The following MAST4 variants were observed in gnomAD, a reference collection of about 807,000 sequenced individuals.
MAST4 encodes microtubule associated serine/threonine kinase family member 4.
A neutral mutation model predicts 162.7 loss-of-function variants in MAST4; 89 were observed. The observed-to-expected ratio is 0.55, with a 90% CI of 0.46 to 0.65. MAST4 has a LOEUF of 0.65. MAST4 is among the 30% of genes least tolerant of loss of function. MAST4 has a pLI of 0.00. For synonymous variants in MAST4, 1,479 were observed against 1,361.1 expected, an observed-to-expected ratio of 1.09 and a Z score of -1.91; for missense variants, 3,153 against 3,374.0, an observed-to-expected ratio of 0.93 and a Z score of 1.62.
intron 4 of MAST4, among the ~76,000 whole-genome samples, chr5:67,037,554 C>G (rs997882906): frequency 1.3e-5 from 2 of 152,136 alleles, no homozygotes; most frequent in Non-Finnish European, 2.9e-5. Context: ...ATTCCTGGAT[C>G]TTATCAATTT....
rs1204572822 is a variant in MAST4, at chr5:67,090,448, TTCTCCCCCTCCCC to T, written c.833+218_833+230del. 8.6e-3 allele frequency among the ~76,000 whole-genome samples: 341 copies of T among 39,502 alleles called. 5 individuals carry two copies. In the African/African-American group the frequency reaches 0.096, roughly 11 times the overall value. The allele number at this position is 39,502 out of a possible 152,430, so 25.9% of individuals were successfully genotyped here. ...TCACTTCCCCCCTCCCCCTCCCCGC[TTCTCCCCCTCCCC>T]GCTTCTCCCCCTCCCCTGCTCCATG... On this transcript the variant is annotated intron_variant, in intron 6 of 28. Coordinates refer to ENST00000403625, the MANE Select transcript of MAST4 (RefSeq NM_001164664.2).
chr5:66,941,644 C>A (rs573772969), intron 4 of MAST4, among the ~76,000 whole-genome samples: 100 of 152,276 alleles, frequency 6.6e-4, no homozygotes, highest in Middle Eastern at 3.4e-3. Context: ...GTAGCACTTT[C>A]AATTTCCTTC....
At chr5:66,984,782 G>A (rs1022960889) in intron 4 of MAST4, among the ~76,000 whole-genome samples, 3 of 151,954 alleles carry the variant, frequency 2.0e-5, no homozygotes, top group Non-Finnish European at 2.9e-5. Context: ...GGGCATTGAG[G>A]GAAACAGCAA....
chr5:66,952,529 C>A (rs1425323282), intron 4 of MAST4, among the ~76,000 whole-genome samples: 3 of 152,098 alleles, frequency 2.0e-5, no homozygotes, highest in Non-Finnish European at 4.4e-5. Context: ...GATCCCCTCC[C>A]CCGCCATTAA....
intron 1 of MAST4, among the ~76,000 whole-genome samples, chr5:66,657,775 C>T (rs370638465): frequency 3.3e-5 from 5 of 152,206 alleles, no homozygotes; most frequent in East Asian, 3.9e-4. Context: ...GAGAATGTGC[C>T]GTGGTTACTG....
intron 4 of MAST4, among the ~76,000 whole-genome samples, chr5:66,951,632 G>GTATGTA (rs1409525063): frequency 1.2e-4 from 16 of 133,478 alleles, no homozygotes; most frequent in African/African-American, 4.2e-4. Flanking sequence ...GTGTGTGTGT[G>GTATGTA]TGTGTGTGTG....
intron 1 of MAST4, among the ~76,000 whole-genome samples, chr5:66,612,243 G>C (rs1054207671): frequency 6.6e-6 from 1 of 152,198 alleles, no homozygotes. Context: ...CTGTTCACTT[G>C]AACTTCTGAA....
At chr5:67,104,255 A>G (rs1356842382) in intron 9 of MAST4, 111 bp from the exon 10 acceptor site, 27 of 802,966 alleles carry the variant, frequency 3.4e-5, no homozygotes, top group Non-Finnish European at 5.5e-5. Flanking sequence ...CTAGAATCCC[A>G]TTTAACAACT....
chr5:66,760,142 C>T (rs967808945), intron 2 of MAST4, among the ~76,000 whole-genome samples: 33 of 149,684 alleles, frequency 2.2e-4, no homozygotes, highest in Admixed American at 1.7e-3. Context: ...GACAGAGTCT[C>T]GCTCCGTTGC....
chr5:67,125,776 G>T (rs918143547), intron 14 of MAST4, among the ~76,000 whole-genome samples: 30 of 152,148 alleles, frequency 2.0e-4, no homozygotes, highest in Non-Finnish European at 2.1e-4. Context: ...CCAGTAAGGG[G>T]ATTGCTGGGT....
In MAST4 at chr5:67,165,690, G is replaced by A. The variant is rs1401088895; in HGVS notation, c.6511G>A (p.Glu2171Lys). The change falls in exon 29 of 29, where the codon GAG becomes AAG. Residue 2171 changes from glutamate to lysine, a missense_variant. Glu to Lys is a moderately conservative substitution (Grantham distance 56). This residue lies in a region of MAST4 where 1,644 missense variants were observed against 1,495.0 expected (regional missense o/e 1.10). Transcript: ENST00000403625. The part of the protein sequence containing the change: ...REPGAKPSTA[E>K]PSSSPQDPPK... ...GCCGGGGGCCAAGCCCAGCACTGCA[G>A]AGCCCAGCTCGAGCCCCCAGGACCC... The A allele has an allele frequency of 1.9e-6, 3 of 1,585,212 alleles. No individual in the cohort carries two copies. The highest frequency in any genetic ancestry group is 2.6e-6 in the Non-Finnish European group (3 of 1,166,620).
intron 1 of MAST4, among the ~76,000 whole-genome samples, chr5:66,732,630 C>G (rs1373922342): frequency 6.6e-6 from 1 of 152,180 alleles, no homozygotes; most frequent in African/African-American, 2.4e-5. Flanking sequence ...GATATGTAGG[C>G]AATCAACATT....
chr5:66,623,278 C>T (rs73764399), intron 1 of MAST4: 16,335 of 152,248 alleles, frequency 0.11, 1,068 homozygotes, highest in Middle Eastern at 0.16. Flanking sequence ...GAAACATTCC[C>T]AGACTCATTT....
chr5:67,071,575 T>C (rs1251079056), intron 5 of MAST4, among the ~76,000 whole-genome samples: 1 of 151,950 alleles, frequency 6.6e-6, no homozygotes, highest in Non-Finnish European at 1.5e-5. Context: ...GACTGACCAA[T>C]ATGGCAAAAC....
intron 1 of MAST4, among the ~76,000 whole-genome samples, chr5:66,614,976 G>T (rs545245703): frequency 3.6e-4 from 55 of 152,296 alleles, no homozygotes; most frequent in African/African-American, 1.3e-3. Flanking sequence ...ACTTTGTGTT[G>T]TCTTTTTCTG....
At chr5:66,614,148 T>C (rs1166734801) in intron 1 of MAST4, among the ~76,000 whole-genome samples, 1 of 152,214 alleles carries the variant, frequency 6.6e-6, no homozygotes, top group Non-Finnish European at 1.5e-5. Context: ...AACTTCTCTT[T>C]CACCCTACTT....
At chr5:66,628,915 C>T (rs192889531) in intron 1 of MAST4, among the ~76,000 whole-genome samples, 1 of 152,082 alleles carries the variant, frequency 6.6e-6, no homozygotes, top group Admixed American at 6.6e-5. Context: ...CAGCAATGTC[C>T]CTGCAATAGA....
At position 66,942,002 on chromosome 5, in the gene MAST4, A is replaced by C. The variant is rs539314933; in HGVS notation, c.674+42020A>C. ...TTTGTGGTGCCCCAAAACAGTGATA[A>C]AAATAACATCAAAGATCATTGATCA... On this transcript the variant is annotated intron_variant, in intron 4 of 28. Transcript: ENST00000403625. Among the ~76,000 whole-genome samples, 23 of 152,264 alleles carry C rather than the reference A, an allele frequency of 1.5e-4. No homozygotes were observed. In the South Asian group the frequency reaches 4.8e-3, roughly 32 times the overall value.
chr5:66,634,606 G>A (rs1203322733), intron 1 of MAST4, among the ~76,000 whole-genome samples: 1 of 152,046 alleles, frequency 6.6e-6, no homozygotes, highest in Non-Finnish European at 1.5e-5. Context: ...CCCCTTTTTG[G>A]GGACTGCTGT....
Sources: allele counts gnomAD v4.1 joint callset (sites outside exome capture counted in the v4.1 genomes callset), GRCh38; gene constraint gnomAD v4.1.1; regional missense constraint gnomAD v4.1.1; transcripts MANE v1.5; gene names NCBI Gene and HGNC (gene_info 2026-07-23, HGNC 2026-07-21).